Variants in ZFYVE9 observed in about 807,000 individuals in gnomAD.
ZFYVE9 encodes zinc finger FYVE-type containing 9.
A neutral mutation model predicts 126.7 loss-of-function variants in ZFYVE9; 43 were observed. The observed-to-expected ratio is 0.34, with a 90% CI of 0.27 to 0.44. The LOEUF is 0.44. ZFYVE9 is among the 20% of genes least tolerant of loss of function. The pLI, the probability that ZFYVE9 is intolerant of heterozygous loss-of-function variation, is 1.00. For synonymous variants in ZFYVE9, 521 were observed against 597.4 expected, an observed-to-expected ratio of 0.87 and a Z score of 1.87; for missense variants, 1,476 against 1,697.0, an observed-to-expected ratio of 0.87 and a Z score of 2.29.
chr1:52,344,690 T>G, intron 17 of ZFYVE9, 78 bp from the exon 18 acceptor site: 1 of 1,428,472 alleles, frequency 7.0e-7, no homozygotes. Context: ...AGAATCAGGG[T>G]GCTCATATAC....
At position 52,263,766 on chromosome 1, in the gene ZFYVE9, C is replaced by CG. The variant is rs1256226388; in HGVS notation, c.2179-7_2179-6insG. The CG allele has an allele frequency of 2.5e-6, 3 of 1,221,762 alleles. No homozygotes were observed. The highest frequency in any genetic ancestry group is 2.4e-5 in the East Asian group (1 of 41,418). The allele number at this position is 1,221,762 out of a possible 1,614,324, so 75.7% of individuals were successfully genotyped here. A position where few individuals can be genotyped will look rare whatever the true frequency, so the allele number is the denominator to read the frequency against. ...TTTGTGTGTTCTTCCCCCCCCCCCC[C>CG]CCACAGGTTTTCTGTGCTTCCTGCT... On this transcript the variant is annotated splice_polypyrimidine_tract_variant and splice_region_variant and intron_variant, in intron 4 of 18. Transcript: ENST00000287727.
chr1:52,146,148 A>G (rs953194297), intron 1 of ZFYVE9, among the ~76,000 whole-genome samples: 4 of 152,146 alleles, frequency 2.6e-5, no homozygotes, highest in Non-Finnish European at 4.4e-5. Context: ...TGTATTTGGC[A>G]TTGTAAGTAG....
At chr1:52,168,150 A>G (rs1392402499) in intron 1 of ZFYVE9, among the ~76,000 whole-genome samples, 2 of 151,902 alleles carry the variant, frequency 1.3e-5, no homozygotes, top group African/African-American at 4.8e-5. Context: ...CAAATTTGAA[A>G]ATAGAAACAA....
At chr1:52,333,246 T>C (rs1015449119) in intron 14 of ZFYVE9, among the ~76,000 whole-genome samples, 1 of 150,480 alleles carries the variant, frequency 6.6e-6, no homozygotes, top group African/African-American at 2.5e-5. Context: ...GTAACAAACC[T>C]GCATGTTGTG....
intron 6 of ZFYVE9, among the ~76,000 whole-genome samples, chr1:52,267,506 A>G (rs1178782304): frequency 2.0e-5 from 3 of 152,158 alleles, no homozygotes; most frequent in Admixed American, 2.0e-4. Context: ...GATCTTATCA[A>G]GTTTCCCTTG....
chr1:52,323,010 T>C (rs1646256025), intron 13 of ZFYVE9, among the ~76,000 whole-genome samples: 1 of 152,082 alleles, frequency 6.6e-6, no homozygotes. Flanking sequence ...TTCACCGTGT[T>C]AGCCAGGATG....
chr1:52,314,382 G>A (rs554205570), intron 13 of ZFYVE9, among the ~76,000 whole-genome samples: 1 of 152,116 alleles, frequency 6.6e-6, no homozygotes, highest in African/African-American at 2.4e-5. Context: ...GTAAAAATAC[G>A]TTTTAAAAAT....
intron 1 of ZFYVE9, among the ~76,000 whole-genome samples, chr1:52,192,031 C>T (rs201654965): frequency 6.8e-6 from 1 of 146,174 alleles, no homozygotes; most frequent in African/African-American, 2.5e-5. Flanking sequence ...TTGGCAGGGG[C>T]TTTTTTTTTT....
chr1:52,264,861 A>G (rs1466986041), intron 5 of ZFYVE9, among the ~76,000 whole-genome samples: 1 of 152,180 alleles, frequency 6.6e-6, no homozygotes. Flanking sequence ...AATTCTTACA[A>G]TTTTGACCAA....
chr1:52,157,313 C>A (rs1183090947), intron 1 of ZFYVE9, among the ~76,000 whole-genome samples: 1 of 150,656 alleles, frequency 6.6e-6, no homozygotes, highest in East Asian at 1.9e-4. Flanking sequence ...TTATCCAATT[C>A]TGGCCTTGTT....
intron 5 of ZFYVE9, among the ~76,000 whole-genome samples, chr1:52,265,170 C>G (rs746078708): frequency 6.6e-6 from 1 of 152,130 alleles, no homozygotes; most frequent in African/African-American, 2.4e-5. Context: ...CTAAGGTAAT[C>G]CACTTTTCCT....
chr1:52,182,187 C>T (rs1273569734), intron 1 of ZFYVE9, among the ~76,000 whole-genome samples: 18 of 151,954 alleles, frequency 1.2e-4, no homozygotes, highest in African/African-American at 2.7e-4. Flanking sequence ...CGCCTCTGCC[C>T]GGCCGCCCCT....
intron 1 of ZFYVE9, among the ~76,000 whole-genome samples, 175 bp from the exon 2 acceptor site, chr1:52,216,194 T>C (rs1645071020): frequency 6.6e-6 from 1 of 152,228 alleles, no homozygotes; most frequent in Non-Finnish European, 1.5e-5. Flanking sequence ...TTTCAGACAA[T>C]AAAATGTCTC....
chr1:52,322,373 T>TTGTC, intron 13 of ZFYVE9, among the ~76,000 whole-genome samples: 1 of 145,036 alleles, frequency 6.9e-6, no homozygotes, highest in African/African-American at 2.8e-5. Context: ...CTAAGTGGTC[T>TTGTC]TTTCTTTTTT....
intron 1 of ZFYVE9, among the ~76,000 whole-genome samples, chr1:52,177,822 C>G (rs1219589421): frequency 6.6e-6 from 1 of 151,988 alleles, no homozygotes; most frequent in African/African-American, 2.4e-5. Flanking sequence ...AATTGGGGAA[C>G]TGCAAATAGT....
chr1:52,290,641 G>A (rs1222922811), intron 10 of ZFYVE9, among the ~76,000 whole-genome samples: 6 of 151,932 alleles, frequency 3.9e-5, no homozygotes. Context: ...GTAAATTTGG[G>A]GATCTTATCT....
chr1:52,228,361 A>G (rs1238393541), intron 2 of ZFYVE9, among the ~76,000 whole-genome samples: 1 of 152,142 alleles, frequency 6.6e-6, no homozygotes, highest in African/African-American at 2.4e-5. Flanking sequence ...TCTTTAAAAT[A>G]ATTAGTTTTG....
At chr1:52,286,579 AT>A (rs1333134243) in intron 10 of ZFYVE9, among the ~76,000 whole-genome samples, 17 of 152,304 alleles carry the variant, frequency 1.1e-4, no homozygotes, top group Admixed American at 1.0e-3. Context: ...TGTAGACTAT[AT>A]ATTGTTTCTC....
chr1:52,296,245 G>A (rs547537945), intron 12 of ZFYVE9, among the ~76,000 whole-genome samples: 1 of 151,568 alleles, frequency 6.6e-6, no homozygotes, highest in Non-Finnish European at 1.5e-5. Flanking sequence ...GGATTCCAGC[G>A]CCTGATTATA....
Sources: allele counts gnomAD v4.1 joint callset (sites outside exome capture counted in the v4.1 genomes callset), GRCh38; gene constraint gnomAD v4.1.1; transcripts MANE v1.5; gene names NCBI Gene and HGNC (gene_info 2026-07-23, HGNC 2026-07-21).